The following CEMIP variants were observed in gnomAD, a reference collection of about 807,000 sequenced individuals.
CEMIP encodes the protein cell migration-inducing and hyaluronan-binding protein.
Under a neutral mutation model 156.9 loss-of-function variants are expected in CEMIP, and 105 were observed. That is an observed-to-expected ratio of 0.67 (90% CI 0.57 to 0.79). The LOEUF (loss-of-function observed/expected upper bound fraction) is 0.79. Among genes scored for constraint, CEMIP ranks in the 30% least tolerant of loss-of-function variants. CEMIP has a pLI of 0.00. For synonymous variants in CEMIP, 676 were observed against 668.4 expected (o/e 1.01, Z -0.17); for missense variants, 1,457 against 1,769.4 (o/e 0.82, Z 3.17).
chr15:80,936,923 C>A, intron 24 of CEMIP, 38 bp downstream of exon 24: 1 of 1,589,924 alleles, frequency 6.3e-7, no homozygotes, highest in Non-Finnish European at 8.6e-7. Flanking sequence ...GAGCTCAAAG[C>A]TGATAACGAT....
chr15:80,848,272 C>T (rs1051177724), intron 1 of CEMIP, among the ~76,000 whole-genome samples: 20 of 152,166 alleles, frequency 1.3e-4, no homozygotes, highest in Non-Finnish European at 2.4e-4. Context: ...CTCCACCAGC[C>T]TTTTTCCTAT....
intron 1 of CEMIP, among the ~76,000 whole-genome samples, chr15:80,848,418 G>C (rs543402333): frequency 6.6e-6 from 1 of 152,178 alleles, no homozygotes; most frequent in Non-Finnish European, 1.5e-5. Context: ...TCAACACCTT[G>C]TAATACATTT....
chr15:80,942,879 AC>A, intron 27 of CEMIP, 65 bp from the exon 28 acceptor site: 2 of 1,597,622 alleles, frequency 1.3e-6, no homozygotes, highest in Non-Finnish European at 1.7e-6. Flanking sequence ...CTTGGGAACC[AC>A]CTGGGCAGGA....
intron 3 of CEMIP, among the ~76,000 whole-genome samples, chr15:80,875,021 A>ATTTT (rs755707756): frequency 2.0e-4 from 13 of 64,960 alleles, no homozygotes; most frequent in African/African-American, 3.8e-4. Flanking sequence ...AGCAAGTAGC[A>ATTTT]TTTTTTTTTT....
chr15:80,855,617 C>T (rs1437291621), intron 1 of CEMIP, among the ~76,000 whole-genome samples: 2 of 152,110 alleles, frequency 1.3e-5, no homozygotes, highest in Non-Finnish European at 2.9e-5. Flanking sequence ...AAGCTCCTGC[C>T]TCCTGGGTTC....
In CEMIP at chr15:80,921,103, T is replaced by A. The variant is rs753226245; in HGVS notation, c.2073+2T>A. On this transcript the variant is annotated splice_donor_variant, in intron 16 of 29. Transcript: ENST00000394685. LOFTEE classifies it high-confidence loss of function. ...AACTGTGCCGCTGCAGGATCTGAGG[T>A]GAGCAGAAATATTCCTTCTTTGGCA... is the stretch of plus-strand genomic sequence containing the variant. The A allele has an allele frequency of 6.2e-7, 1 of 1,613,732 alleles. No homozygotes were observed.
chr15:80,898,142 T>A (rs1899308310), intron 12 of CEMIP, among the ~76,000 whole-genome samples: 1 of 152,160 alleles, frequency 6.6e-6, no homozygotes, highest in Non-Finnish European at 1.5e-5. Flanking sequence ...GAAGACATTT[T>A]TGGTTTGGGT....
Position 80,936,841 on chromosome 15 carries a change from G to C in CEMIP, c.3177G>C (p.Gln1059His). The C allele has an allele frequency of 6.2e-7, 1 of 1,614,136 alleles. No individual in the cohort carries two copies. The highest frequency in any genetic ancestry group is 1.7e-5 in the Admixed American group (1 of 60,034). Residue 1059 changes from glutamine (Q) to histidine (H), a missense_variant, in exon 24 of 30, where the codon CAG becomes CAC. Physicochemically the swap from Gln to His is conservative, Grantham distance 24 (BLOSUM62 0). This residue lies in a region of CEMIP where 798 missense variants were observed against 980.1 expected (regional missense o/e 0.81). Coordinates refer to ENST00000394685, the MANE Select transcript of CEMIP (RefSeq NM_001293298.2). ...AGGGCTACACCATCCACTGGGACCA[G>C]ACGGCCCCCGCCGAACTCGCCATCT... ...LQKGYTIHWD[Q>H]TAPAELAIWL...
At chr15:80,899,190 G>C (rs531591218) in intron 12 of CEMIP, among the ~76,000 whole-genome samples, 6 of 142,260 alleles carry the variant, frequency 4.2e-5, no homozygotes, top group Non-Finnish European at 9.0e-5. Flanking sequence ...TCCAGCCTGG[G>C]TGACAGAGTA....
intron 16 of CEMIP, 114 bp from the exon 17 acceptor site, chr15:80,921,894 TG>T: frequency 2.2e-6 from 3 of 1,372,790 alleles, no homozygotes; most frequent in South Asian, 2.3e-5. Context: ...AGGGCTCCTG[TG>T]GGTGACGGCA....
At chr15:80,783,181 T>A (rs1895841695) in intron 1 of CEMIP, among the ~76,000 whole-genome samples, 1 of 152,244 alleles carries the variant, frequency 6.6e-6, no homozygotes, top group Non-Finnish European at 1.5e-5. Context: ...GTACCTTCTG[T>A]GGTATCGGCA....
chr15:80,914,961 A>C (rs1445659197), intron 14 of CEMIP, among the ~76,000 whole-genome samples: 1 of 152,094 alleles, frequency 6.6e-6, no homozygotes, highest in Non-Finnish European at 1.5e-5. Flanking sequence ...GTCGGATATG[A>C]AATCATAGGG....
chr15:80,933,880 C>G (rs563843206), intron 23 of CEMIP, among the ~76,000 whole-genome samples: 1 of 152,054 alleles, frequency 6.6e-6, no homozygotes. Flanking sequence ...ATAATGCAAG[C>G]CACACATGTA....
rs1202750088 is a variant in CEMIP, at chr15:80,925,772, T to C, written c.2420+17T>C. 3 of 1,609,800 alleles carry C rather than the reference T, an allele frequency of 1.9e-6. No individual in the cohort carries two copies. The highest frequency in any genetic ancestry group is 2.7e-5 in the African/African-American group (2 of 74,868). On this transcript the variant is annotated intron_variant, in intron 19 of 29. Coordinates refer to ENST00000394685, the MANE Select transcript of CEMIP (RefSeq NM_001293298.2). ...CAGCTGCCGGTGAGTCAGAGCGGCGTGTGGCTTTGGCACAAAGGGGGCATG... is the reference window on the plus strand; with the variant it reads ...CAGCTGCCGGTGAGTCAGAGCGGCGCGTGGCTTTGGCACAAAGGGGGCATG...
At chr15:80,853,572 A>T (rs565859094) in intron 1 of CEMIP, among the ~76,000 whole-genome samples, 5 of 152,208 alleles carry the variant, frequency 3.3e-5, no homozygotes, top group African/African-American at 1.2e-4. Context: ...TGAAGCCCTA[A>T]GAAGGGAATT....
At chr15:80,828,354 T>A (rs1021614808) in intron 1 of CEMIP, among the ~76,000 whole-genome samples, 7 of 151,386 alleles carry the variant, frequency 4.6e-5, no homozygotes, top group Non-Finnish European at 1.0e-4. Flanking sequence ...CACTCCAGCC[T>A]GGGTGAAAGA....
At chr15:80,861,152 T>A (rs1024442207) in intron 1 of CEMIP, among the ~76,000 whole-genome samples, 2 of 152,192 alleles carry the variant, frequency 1.3e-5, no homozygotes, top group African/African-American at 2.4e-5. Context: ...CGTGTCTCAA[T>A]GCCTAGAACC....
At chr15:80,924,184 G>C (rs1268549235) in intron 17 of CEMIP, among the ~76,000 whole-genome samples, 2 of 152,214 alleles carry the variant, frequency 1.3e-5, no homozygotes, top group African/African-American at 4.8e-5. Context: ...GAAACTGTGG[G>C]AAGGTCACTG....
At chr15:80,893,102 G>A (rs530680272) in intron 10 of CEMIP, among the ~76,000 whole-genome samples, 4 of 152,072 alleles carry the variant, frequency 2.6e-5, no homozygotes, top group East Asian at 3.9e-4. Flanking sequence ...CAGAAGAATC[G>A]CTTGAACAGG....
Sources: allele counts gnomAD v4.1 joint callset (sites outside exome capture counted in the v4.1 genomes callset), GRCh38; gene constraint gnomAD v4.1.1; regional missense constraint gnomAD v4.1.1; transcripts MANE v1.5; gene names NCBI Gene and HGNC (gene_info 2026-07-23, HGNC 2026-07-21).